Variants in CNTN3 observed in about 807,000 individuals in gnomAD.
CNTN3 encodes the protein contactin 3.
In CNTN3, 60 loss-of-function variants were observed where a neutral mutation model predicts 119.1. That is an observed-to-expected ratio of 0.50 (90% confidence interval 0.41 to 0.62). CNTN3 has a LOEUF of 0.62. Ranked by LOEUF, CNTN3 falls within the 20% of genes least tolerant of loss-of-function variation. The pLI, the probability that CNTN3 is intolerant of heterozygous loss-of-function variation, is 0.00. For synonymous variants in CNTN3, 450 were observed against 438.7 expected, an observed-to-expected ratio of 1.03 and a Z score of -0.32; for missense variants, 1,101 against 1,242.4, an observed-to-expected ratio of 0.89 and a Z score of 1.71.
At chr3:74,609,157 T>C (rs1705040039) in intron 1 of CNTN3, among the ~76,000 whole-genome samples, 2 of 152,224 alleles carry the variant, frequency 1.3e-5, no homozygotes, top group African/African-American at 2.4e-5. Context: ...AAAAGACCCA[T>C]GTATTATAGC....
chr3:74,463,105 A>G (rs1399730288), intron 4 of CNTN3, among the ~76,000 whole-genome samples: 1 of 152,156 alleles, frequency 6.6e-6, no homozygotes, highest in Non-Finnish European at 1.5e-5. Context: ...AAATAACACA[A>G]CATCAAACTG....
chr3:74,608,058 T>C (rs1705022198), intron 1 of CNTN3, among the ~76,000 whole-genome samples: 1 of 152,332 alleles, frequency 6.6e-6, no homozygotes, highest in East Asian at 1.9e-4. Context: ...TACAGAACTC[T>C]TTGTACTATG....
At chr3:74,515,587 G>C (rs1334280699) in intron 2 of CNTN3, among the ~76,000 whole-genome samples, 2 of 152,044 alleles carry the variant, frequency 1.3e-5, no homozygotes, top group East Asian at 1.9e-4. Context: ...CATTCCGAAA[G>C]AGCAGTGTAC....
chr3:74,345,015 C>A (rs1318044882), intron 11 of CNTN3, among the ~76,000 whole-genome samples: 3 of 152,008 alleles, frequency 2.0e-5, no homozygotes, highest in African/African-American at 7.3e-5. Flanking sequence ...GGTTTGCAAC[C>A]CCTTTGTCTT....
intron 2 of CNTN3, among the ~76,000 whole-genome samples, chr3:74,509,526 G>A (rs1317037143): frequency 6.6e-6 from 1 of 152,080 alleles, no homozygotes; most frequent in African/African-American, 2.4e-5. Context: ...TCAAACTCCT[G>A]ACCTCGTGAT....
intron 13 of CNTN3, among the ~76,000 whole-genome samples, chr3:74,306,522 G>A (rs1268628187): frequency 5.3e-5 from 8 of 152,206 alleles, no homozygotes; most frequent in African/African-American, 1.9e-4. Context: ...GAAGGGACCA[G>A]AATTGAGAAG....
chr3:74,446,190 A>T (rs1702045338), intron 4 of CNTN3, among the ~76,000 whole-genome samples: 3 of 152,122 alleles, frequency 2.0e-5, no homozygotes, highest in Admixed American at 6.6e-5. Context: ...GTTTCCTCAT[A>T]TGTAAGATGG....
intron 20 of CNTN3, among the ~76,000 whole-genome samples, chr3:74,272,864 A>G (rs1478431978): frequency 1.3e-5 from 2 of 152,144 alleles, no homozygotes; most frequent in African/African-American, 2.4e-5. Context: ...CATTCTACTT[A>G]TTATTATTAA....
Position 74,357,741 on chromosome 3 carries a change from T to C in CNTN3, c.1364+4149A>G, listed in dbSNP as rs537775843. Among the ~76,000 whole-genome samples the C allele has an allele frequency of 1.1e-3, 168 of 152,246 alleles. 2 individuals are homozygous for C. The highest frequency in any genetic ancestry group is 4.0e-3 in the African/African-American group (168 of 41,500). ...AGAAAGCTTTCATCTTTATCATAAG[T>C]TTCTTATTCGCCGACAAGTCCAAAT... is the stretch of plus-strand genomic sequence containing the variant. On this transcript the variant is annotated intron_variant, in intron 11 of 22. Coordinates refer to ENST00000263665, the MANE Select transcript of CNTN3 (RefSeq NM_020872.3).
At chr3:74,454,819 A>G (rs953978922) in intron 4 of CNTN3, among the ~76,000 whole-genome samples, 1 of 151,754 alleles carries the variant, frequency 6.6e-6, no homozygotes, top group Non-Finnish European at 1.5e-5. Flanking sequence ...TTCTTTTAAG[A>G]ATGTTGAATA....
intron 4 of CNTN3, among the ~76,000 whole-genome samples, chr3:74,471,806 G>C (rs553799982): frequency 6.6e-6 from 1 of 152,298 alleles, no homozygotes; most frequent in South Asian, 2.1e-4. Context: ...TGGAAAGCTA[G>C]TGTTTTCCTT....
intron 13 of CNTN3, among the ~76,000 whole-genome samples, chr3:74,329,933 A>C (rs184344859): frequency 6.6e-6 from 1 of 152,344 alleles, no homozygotes; most frequent in Admixed American, 6.5e-5. Context: ...AGGCAAAAAA[A>C]GAGAGAAAAC....
intron 13 of CNTN3, among the ~76,000 whole-genome samples, chr3:74,309,102 A>ATTAT (rs964838488): frequency 6.6e-6 from 1 of 151,674 alleles, no homozygotes; most frequent in African/African-American, 2.4e-5. Flanking sequence ...TTTATTATTT[A>ATTAT]TTATTTATTT....
chr3:74,395,083 T>A (rs1705012637), intron 5 of CNTN3, among the ~76,000 whole-genome samples: 2 of 152,160 alleles, frequency 1.3e-5, no homozygotes, highest in African/African-American at 4.8e-5. Context: ...GATTAGATAT[T>A]TGCATGCACA....
intron 1 of CNTN3, among the ~76,000 whole-genome samples, chr3:74,583,407 GCAA>G (rs1704545770): frequency 6.6e-6 from 1 of 151,914 alleles, no homozygotes; most frequent in South Asian, 2.1e-4. Flanking sequence ...AGTGATACAT[GCAA>G]CAACACCTAG....
intron 5 of CNTN3, among the ~76,000 whole-genome samples, chr3:74,375,112 T>A (rs1704446584): frequency 6.6e-6 from 1 of 152,144 alleles, no homozygotes; most frequent in Admixed American, 6.5e-5. Context: ...AAATGATATG[T>A]AACTGAATAA....
rs1408840073 is a variant in CNTN3, at chr3:74,364,511, T to C, written c.1169A>G (p.Asn390Ser). 1.2e-6 allele frequency: 2 copies of C among 1,612,732 alleles called. No individual in the cohort carries two copies. Among genetic ancestry groups the C allele is most frequent in the Non-Finnish European group, 8.5e-7 (1 of 1,179,054 alleles). Residue 390 changes from asparagine to serine, a missense_variant, in exon 10 of 23, where the codon AAC becomes AGC. Physicochemically the swap from Asn to Ser is conservative, Grantham distance 46. Transcript: ENST00000263665. ...DSGMFQCIAE[N>S]KHGLVYSSAE... is the part of the protein sequence containing the mutation. ...ACTGGAATAAACAAGGCCATGTTTG[T>C]TTTCTGCTATGCATTGGAACATGCC...
chr3:74,383,221 T>A (rs1291012248), intron 5 of CNTN3, among the ~76,000 whole-genome samples: 1 of 151,840 alleles, frequency 6.6e-6, no homozygotes, highest in Non-Finnish European at 1.5e-5. Flanking sequence ...ATAAAGACAC[T>A]TCATTCTAAA....
rs1001428269 is a variant in CNTN3, at chr3:74,604,819, G to A, written c.-81+9572C>T. On this transcript the variant is annotated intron_variant, in intron 1 of 22. Transcript: ENST00000263665. ...TACTGGGCATATAGTCAAAGGAAAC[G>A]AAATCAGTATGTCAGAGATATCTGC... Among the ~76,000 whole-genome samples the A allele has an allele frequency of 9.2e-5, 14 of 152,214 alleles. No individual in the cohort carries two copies. In the East Asian group the frequency reaches 1.7e-3, roughly 19 times the overall value.
Sources: gnomAD v4.1 joint callset for allele counts (sites outside exome capture counted in the v4.1 genomes callset) on GRCh38, gnomAD v4.1.1 for gene constraint, MANE v1.5 for transcripts, NCBI Gene and HGNC (gene_info 2026-07-23, HGNC 2026-07-21) for gene names.